Variants in ZFC3H1 observed in about 807,000 individuals in gnomAD.
ZFC3H1 encodes zinc finger C3H1 domain-containing protein.
A neutral mutation model predicts 243.7 loss-of-function variants in ZFC3H1; 71 were observed. The observed-to-expected ratio is 0.29, with a 90% confidence interval of 0.24 to 0.36. The LOEUF (loss-of-function observed/expected upper bound fraction) is 0.36, where lower values mean the gene tolerates loss of function less well. Among genes scored for constraint, ZFC3H1 ranks in the 10% least tolerant of loss-of-function variants. The pLI is 1.00. For missense variants in ZFC3H1, 1,966 were observed against 2,317.1 expected, an observed-to-expected ratio of 0.85 and a Z score of 3.11; for synonymous variants, 838 against 813.0, an observed-to-expected ratio of 1.03 and a Z score of -0.52.
intron 2 of ZFC3H1, among the ~76,000 whole-genome samples, chr12:71,648,122 A>G (rs558753709): frequency 1.3e-5 from 2 of 152,340 alleles, no homozygotes; most frequent in Non-Finnish European, 1.5e-5. Flanking sequence ...AAAGCATAGA[A>G]ACAAGCAGCA....
chr12:71,636,423 C>T (rs1880462743), intron 9 of ZFC3H1, 67 bp downstream of exon 9: 6 of 1,473,620 alleles, frequency 4.1e-6, no homozygotes, highest in East Asian at 2.4e-5. Context: ...GAAAACAGGA[C>T]AGCTAAACTT....
At chr12:71,641,465 C>A (rs370784712) in intron 6 of ZFC3H1, among the ~76,000 whole-genome samples, 1 of 152,236 alleles carries the variant, frequency 6.6e-6, no homozygotes, top group Non-Finnish European at 1.5e-5. Flanking sequence ...TCCAAATTCT[C>A]CAGTTCCTGG....
chr12:71,631,366 T>C (rs958462505), intron 16 of ZFC3H1, among the ~76,000 whole-genome samples: 1 of 152,066 alleles, frequency 6.6e-6, no homozygotes, highest in Non-Finnish European at 1.5e-5. Context: ...CTTTTAAAAG[T>C]CTAAATGGGG....
At chr12:71,644,744 G>A in intron 4 of ZFC3H1, 133 bp downstream of exon 4, 2 of 1,015,160 alleles carry the variant, frequency 2.0e-6, no homozygotes, top group Non-Finnish European at 1.4e-6. Context: ...CCTGAACCTG[G>A]GAGGTGGAGG....
chr12:71,615,039 T>C, intron 28 of ZFC3H1, 101 bp from the exon 29 acceptor site: 2 of 1,217,964 alleles, frequency 1.6e-6, no homozygotes, highest in Non-Finnish European at 2.4e-6. Context: ...TACAATAGAA[T>C]CCTTCTTTTG....
chr12:71,650,115 G>A (rs1210770808), intron 2 of ZFC3H1, among the ~76,000 whole-genome samples: 1 of 152,104 alleles, frequency 6.6e-6, no homozygotes, highest in Admixed American at 6.6e-5. Context: ...GTGAACCTGG[G>A]AGGTGGAGCC....
chr12:71,613,836 T>C (rs1331839726), intron 30 of ZFC3H1: 1 of 154,126 alleles, frequency 6.5e-6, no homozygotes, highest in Non-Finnish European at 1.4e-5. Context: ...GGCATAGAAG[T>C]ACAAAGCATA....
chr12:71,644,392 T>C, intron 4 of ZFC3H1, 74 bp from the exon 5 acceptor site: 2 of 1,454,750 alleles, frequency 1.4e-6, no homozygotes, highest in South Asian at 2.7e-5. Context: ...AAAAAATATT[T>C]TCATTATTGA....
chr12:71,643,053 TCTTA>T (rs1565821308), intron 5 of ZFC3H1, among the ~76,000 whole-genome samples: 1 of 152,208 alleles, frequency 6.6e-6, no homozygotes, highest in Non-Finnish European at 1.5e-5. Flanking sequence ...CTTGTCTACT[TCTTA>T]CTATGTTTCA....
intron 7 of ZFC3H1, 70 bp downstream of exon 7, chr12:71,638,348 C>T (rs1880516179): frequency 1.4e-6 from 2 of 1,458,396 alleles, no homozygotes; most frequent in Non-Finnish European, 1.9e-6. Flanking sequence ...CAAACCTAAC[C>T]ATTCGTTTTT....
Position 71,623,586 on chromosome 12 carries a change from T to G in ZFC3H1, c.4518A>C (p.Lys1506Asn). 1 of 1,605,390 alleles carries G rather than the reference T, an allele frequency of 6.2e-7. No homozygotes were observed. The highest frequency in any genetic ancestry group is 8.5e-7 in the Non-Finnish European group (1 of 1,177,302). Residue 1506 changes from lysine (K) to asparagine (N), a missense_variant, in exon 24 of 35, where the codon AAA becomes AAC. This residue lies in a region of ZFC3H1 where 1,383 missense variants were observed against 1,723.7 expected (regional missense o/e 0.80). Transcript: ENST00000378743. ...SALAILQNAL[K>N]SANDGIVAEY... ...CAGCTACTATTCCATCATTAGCAGA[T>G]TTCAATGCATTCTAGGCAAAATTTA...
chr12:71,642,978 T>A (rs1592597495), intron 5 of ZFC3H1, among the ~76,000 whole-genome samples: 1 of 152,304 alleles, frequency 6.6e-6, no homozygotes, highest in East Asian at 1.9e-4. Context: ...TAATTATAAA[T>A]AAATTAATGA....
intron 20 of ZFC3H1, 106 bp downstream of exon 20, chr12:71,628,812 T>C: frequency 7.6e-7 from 1 of 1,310,482 alleles, no homozygotes; most frequent in Non-Finnish European, 1.0e-6. Context: ...AAAAAAATTT[T>C]TTTTTAACCA....
chr12:71,657,440 C>G, intron 1 of ZFC3H1, 139 bp from the exon 2 acceptor site: 1 of 726,522 alleles, frequency 1.4e-6, no homozygotes, highest in Non-Finnish European at 2.1e-6. Context: ...TTACTAAATT[C>G]CATTTAATGT....
At chr12:71,630,549 GT>G (rs762741635) in intron 18 of ZFC3H1, 50 bp downstream of exon 18, 1 of 1,574,604 alleles carries the variant, frequency 6.4e-7, no homozygotes, top group South Asian at 1.2e-5. Flanking sequence ...GAATTTTTAA[GT>G]TGCCTAAATT....
At chr12:71,629,573 A>G in intron 19 of ZFC3H1, 36 bp downstream of exon 19, 1 of 1,264,872 alleles carries the variant, frequency 7.9e-7, no homozygotes, top group Non-Finnish European at 1.2e-6. Flanking sequence ...ACACACACAC[A>G]CACACACACA....
intron 2 of ZFC3H1, among the ~76,000 whole-genome samples, chr12:71,649,804 T>TA (rs35372597): frequency 6.6e-6 from 1 of 152,182 alleles, no homozygotes; most frequent in Non-Finnish European, 1.5e-5. Flanking sequence ...CACTTGTCTA[T>TA]AAAAAATGGC....
At position 71,656,648 on chromosome 12, in the gene ZFC3H1, A is replaced by C. The variant is rs1334026336; in HGVS notation, c.1015+237T>G. ...GGAAACAAAGGTGTCCACTATTATC[A>C]CTTATGTATAACATTCTATTATAGA... On this transcript the variant is annotated intron_variant, in intron 2 of 34. Coordinates refer to ENST00000378743, the MANE Select transcript of ZFC3H1 (RefSeq NM_144982.5). 6.8e-6 allele frequency: 4 copies of C among 585,404 alleles called. No individual in the cohort carries two copies. The South Asian group carries it at 9.4e-5, about 14-fold the overall frequency. The allele number at this position is 585,404 out of a possible 1,614,324, so 36.3% of individuals were successfully genotyped here.
chr12:71,629,814 T>C (rs1000047184), intron 18 of ZFC3H1, 104 bp from the exon 19 acceptor site: 6 of 720,764 alleles, frequency 8.3e-6, no homozygotes, highest in African/African-American at 3.5e-5. Context: ...GGCGATTATA[T>C]GGTACTAGTC....
Sources: allele counts gnomAD v4.1 joint callset (sites outside exome capture counted in the v4.1 genomes callset), GRCh38; gene constraint gnomAD v4.1.1; regional missense constraint gnomAD v4.1.1; transcripts MANE v1.5; gene names NCBI Gene and HGNC (gene_info 2026-07-23, HGNC 2026-07-21).